Variants in RRM2 observed in about 807,000 individuals in gnomAD.
RRM2 encodes the protein ribonucleotide reductase regulatory subunit M2, also known as ribonucleoside-diphosphate reductase subunit M2.
A neutral mutation model predicts 45.9 loss-of-function variants in RRM2; 6 were observed. That is an observed-to-expected ratio of 0.13 (90% CI 0.07 to 0.26). The LOEUF (loss-of-function observed/expected upper bound fraction) is 0.26. RRM2 is among the 10% of genes least tolerant of loss of function. The pLI, the probability that RRM2 is intolerant of heterozygous loss-of-function variation, is 1.00. For missense variants in RRM2, 343 were observed against 489.5 expected, an observed-to-expected ratio of 0.70 and a Z score of 2.82; for synonymous variants, 177 against 173.0, an observed-to-expected ratio of 1.02 and a Z score of -0.18.
At chr2:10,208,770 G>T (rs1184776549) in intron 3 of RRM2, among the ~76,000 whole-genome samples, 1 of 152,086 alleles carries the variant, frequency 6.6e-6, no homozygotes, top group Non-Finnish European at 1.5e-5. Flanking sequence ...TCCAGCCATG[G>T]CCCCTCCTGA....
chr2:10,154,335 G>A (rs965145141), intron 3 of RRM2, among the ~76,000 whole-genome samples: 7 of 149,920 alleles, frequency 4.7e-5, no homozygotes, highest in Admixed American at 4.0e-4. Flanking sequence ...AAATTAGCTG[G>A]GTGTGGTGGC....
At chr2:10,181,388 C>T (rs1039740208) in intron 3 of RRM2, among the ~76,000 whole-genome samples, 4 of 152,286 alleles carry the variant, frequency 2.6e-5, no homozygotes, top group Admixed American at 6.5e-5. Flanking sequence ...TTTCAAGGAA[C>T]CAACTTTAGG....
At chr2:10,178,129 T>G (rs1217964601) in intron 3 of RRM2, among the ~76,000 whole-genome samples, 1 of 151,504 alleles carries the variant, frequency 6.6e-6, no homozygotes, top group Non-Finnish European at 1.5e-5. Context: ...GGTTTCACCG[T>G]GTTAGCCAGG....
intron 3 of RRM2, 45 bp downstream of exon 3, chr2:10,123,575 G>C (rs369652501): frequency 7.6e-6 from 12 of 1,576,536 alleles, no homozygotes; most frequent in Non-Finnish European, 9.5e-6. Context: ...TGACCGTCAC[G>C]CCTCAGACAT....
At chr2:10,157,859 G>A (rs188587633) in intron 3 of RRM2, among the ~76,000 whole-genome samples, 21 of 152,322 alleles carry the variant, frequency 1.4e-4, no homozygotes, top group African/African-American at 4.1e-4. Flanking sequence ...AGGGGCAGGT[G>A]ACGTATTTTA....
chr2:10,165,511 C>T (rs1028100143), intron 3 of RRM2, among the ~76,000 whole-genome samples: 3 of 152,232 alleles, frequency 2.0e-5, no homozygotes, highest in African/African-American at 4.8e-5. Flanking sequence ...CACATTTAAC[C>T]GGCTGGGGAC....
At chr2:10,170,465 G>T (rs968675064) in intron 3 of RRM2, among the ~76,000 whole-genome samples, 3 of 152,132 alleles carry the variant, frequency 2.0e-5, no homozygotes, top group African/African-American at 7.2e-5. Flanking sequence ...TGAATGCTAG[G>T]GGGCAGGGGT....
rs1441359723 is a variant in RRM2, at chr2:10,195,961, G to A, written n.483-14350G>A. Among the ~76,000 whole-genome samples the A allele has an allele frequency of 6.6e-6, 1 of 152,236 alleles. No individual in the cohort carries two copies. Among genetic ancestry groups the A allele is most frequent in the African/African-American group, 2.4e-5 (1 of 41,456 alleles). On this transcript the variant is annotated intron_variant and non_coding_transcript_variant, in intron 3 of 3. Transcript: ENST00000381786. The surrounding 1 kb of genome is among the most constrained non-coding windows in gnomAD (Gnocchi z 4.9). ...CACAGTCATGCTAGAAATGGTGCCT[G>A]GTGCAGCTGCAGCCGTCTTGCTACC...
intron 3 of RRM2, among the ~76,000 whole-genome samples, chr2:10,162,471 A>T (rs890242482): frequency 5.3e-5 from 8 of 151,896 alleles, no homozygotes; most frequent in Non-Finnish European, 1.2e-4. Context: ...CTCCATATGG[A>T]GATAGAGAAC....
intron 3 of RRM2, among the ~76,000 whole-genome samples, chr2:10,153,969 G>A (rs182985324): frequency 1.2e-3 from 183 of 152,294 alleles, no homozygotes; most frequent in Admixed American, 3.1e-3. Flanking sequence ...GTTGATGGTT[G>A]CACAAGATTG....
chr2:10,206,730 A>T (rs7558744), intron 3 of RRM2, among the ~76,000 whole-genome samples: 57,420 of 152,010 alleles, frequency 0.38, 11,258 homozygotes, highest in East Asian at 0.57. Context: ...GAAACTGCAG[A>T]ACACCAAAGA....
intron 3 of RRM2, among the ~76,000 whole-genome samples, chr2:10,202,646 G>A (rs1664589166): frequency 1.3e-5 from 2 of 151,478 alleles, no homozygotes; most frequent in South Asian, 2.1e-4. Context: ...GTTTCTGGTT[G>A]GAGACAGGTT....
rs771864776 is a variant in RRM2, at chr2:10,199,800, A to ACAAAAAAAAAAC, written n.483-10511_483-10510insCAAAAAAAAAAC. On this transcript the variant is annotated intron_variant and non_coding_transcript_variant, in intron 3 of 3. Coordinates refer to the RRM2 transcript ENST00000381786. ...GTCTCAAAAAAAAAAAAAAAAAAAA[A>ACAAAAAAAAAAC]AAAAAAAAACAAATCATGGTATGAC... Among the ~76,000 whole-genome samples, 36 of 97,894 alleles carry ACAAAAAAAAAAC rather than the reference A, an allele frequency of 3.7e-4. 3 individuals carry two copies. Among genetic ancestry groups the ACAAAAAAAAAAC allele is most frequent in the Middle Eastern group, 4.9e-3 (1 of 206 alleles). The allele number at this position is 97,894 out of a possible 152,430, so 64.2% of individuals were successfully genotyped here.
intron 3 of RRM2, among the ~76,000 whole-genome samples, chr2:10,208,337 C>A (rs1341651267): frequency 6.6e-6 from 1 of 152,206 alleles, no homozygotes; most frequent in African/African-American, 2.4e-5. Flanking sequence ...CAACAAGAGC[C>A]TTTCCCATTT....
chr2:10,143,434 T>C (rs1471334989), intron 3 of RRM2, among the ~76,000 whole-genome samples: 2 of 152,262 alleles, frequency 1.3e-5, no homozygotes, highest in Non-Finnish European at 2.9e-5. Context: ...TGATGCCTTG[T>C]TCCAGCTGAG....
At chr2:10,168,673 G>T (rs552273874) in intron 3 of RRM2, among the ~76,000 whole-genome samples, 2 of 150,994 alleles carry the variant, frequency 1.3e-5, no homozygotes, top group Admixed American at 1.3e-4. Context: ...TGGCCTGGCC[G>T]GCTCCTCCAC....
chr2:10,202,320 A>T (rs1381555968), intron 3 of RRM2, among the ~76,000 whole-genome samples: 1 of 152,236 alleles, frequency 6.6e-6, no homozygotes, highest in Non-Finnish European at 1.5e-5. Context: ...CCTTGCATGT[A>T]AGGACAGTGG....
intron 3 of RRM2, among the ~76,000 whole-genome samples, chr2:10,161,099 G>A (rs571484449): frequency 2.6e-5 from 4 of 152,194 alleles, no homozygotes; most frequent in African/African-American, 4.8e-5. Flanking sequence ...ACAGGGTCTC[G>A]CTCTGTGGCC....
At chr2:10,167,997 A>G (rs1432106120) in intron 3 of RRM2, among the ~76,000 whole-genome samples, 2 of 150,848 alleles carry the variant, frequency 1.3e-5, no homozygotes, top group Admixed American at 1.3e-4. Flanking sequence ...GAAATTTAAC[A>G]GTCAACAGAT....
Sources: allele counts gnomAD v4.1 joint callset (sites outside exome capture counted in the v4.1 genomes callset), GRCh38; gene constraint gnomAD v4.1.1; non-coding constraint Gnocchi (gnomAD v3.1); transcripts MANE v1.5; gene names NCBI Gene and HGNC (gene_info 2026-07-23, HGNC 2026-07-21).